Variants in CSMD1 observed in about 807,000 individuals in gnomAD.
The protein encoded by CSMD1 is CUB and sushi domain-containing protein 1.
CSMD1 carries 213 observed loss-of-function variants against 417.5 expected under a neutral mutation model. That is an observed-to-expected ratio of 0.51 (90% confidence interval 0.46 to 0.57). The LOEUF is 0.57. Among genes scored for constraint, CSMD1 ranks in the 20% least tolerant of loss-of-function variants. The probability of loss-of-function intolerance (pLI) is 0.00; values close to 1 mark genes in which losing one functional copy is unlikely to be tolerated. For synonymous variants in CSMD1, 2,862 were observed against 1,736.8 expected (o/e 1.65, Z -16.11); for missense variants, 6,923 against 4,529.7 (o/e 1.53, Z -15.17).
chr8:4,842,224 T>G (rs1800886671), intron 1 of CSMD1, among the ~76,000 whole-genome samples: 1 of 152,204 alleles, frequency 6.6e-6, no homozygotes, highest in Non-Finnish European at 1.5e-5. Context: ...GTGTGGGAAT[T>G]AAGGGAACCA....
intron 5 of CSMD1, among the ~76,000 whole-genome samples, chr8:3,968,452 T>C (rs555776928): frequency 6.6e-6 from 1 of 152,166 alleles, no homozygotes; most frequent in Non-Finnish European, 1.5e-5. Flanking sequence ...CACACAATGC[T>C]TTTCTCTTTA....
At chr8:3,980,221 C>T (rs1489960831) in intron 5 of CSMD1, among the ~76,000 whole-genome samples, 1 of 152,166 alleles carries the variant, frequency 6.6e-6, no homozygotes, top group Admixed American at 6.5e-5. Context: ...CTCATCTTAT[C>T]AACCATTGGC....
intron 2 of CSMD1, among the ~76,000 whole-genome samples, chr8:4,545,043 A>G (rs915062845): frequency 2.0e-5 from 3 of 152,230 alleles, no homozygotes; most frequent in Non-Finnish European, 4.4e-5. Flanking sequence ...ACCCATTTAA[A>G]CAATATACGT....
rs112958405 is a variant in CSMD1, at chr8:4,489,500, G to C, written c.303-69435C>G. ...ACCATATGCCCCACCAGAAACGAGA[G>C]GTGGTTGGAATATGTAAAGAATTAC... On this transcript the variant is annotated intron_variant, in intron 2 of 69. Transcript: ENST00000635120. Among the ~76,000 whole-genome samples the C allele has an allele frequency of 8.1e-3, 1,228 of 152,310 alleles. 11 individuals are homozygous for C. The highest frequency in any genetic ancestry group is 0.028 in the African/African-American group (1,157 of 41,542).
intron 6 of CSMD1, among the ~76,000 whole-genome samples, chr8:3,734,327 G>A (rs1175873014): frequency 6.6e-6 from 1 of 152,146 alleles, no homozygotes; most frequent in Non-Finnish European, 1.5e-5. Context: ...ATTACTGATA[G>A]CCAAGAGACT....
chr8:3,349,536 T>G (rs1808250251), intron 21 of CSMD1, among the ~76,000 whole-genome samples: 2 of 151,950 alleles, frequency 1.3e-5, no homozygotes, highest in South Asian at 2.1e-4. Flanking sequence ...GATGTGGCTC[T>G]CGGGGTGCAA....
intron 10 of CSMD1, among the ~76,000 whole-genome samples, chr8:3,560,301 G>A (rs894020744): frequency 1.3e-5 from 2 of 152,102 alleles, no homozygotes; most frequent in Non-Finnish European, 2.9e-5. Context: ...TCATTTCTCT[G>A]AGAAACACAG....
chr8:3,534,586 C>G (rs1162437562), intron 10 of CSMD1, among the ~76,000 whole-genome samples: 1 of 146,926 alleles, frequency 6.8e-6, no homozygotes, highest in African/African-American at 2.6e-5. Flanking sequence ...AGTGACTGAT[C>G]TAAAAGTTGT....
intron 10 of CSMD1, among the ~76,000 whole-genome samples, chr8:3,557,121 G>A (rs1041538730): frequency 6.6e-6 from 1 of 152,144 alleles, no homozygotes; most frequent in Non-Finnish European, 1.5e-5. Flanking sequence ...TATTACCCAC[G>A]ACTGAGCTTC....
intron 25 of CSMD1, among the ~76,000 whole-genome samples, chr8:3,294,182 T>C (rs2897416): frequency 0.49 from 74,987 of 152,006 alleles, 20,851 homozygotes; most frequent in South Asian, 0.63. Flanking sequence ...ATCATTCCTC[T>C]GGAAGTTTTG....
chr8:3,367,235 A>G lies in CSMD1; in HGVS notation c.2912T>C (p.Ile971Thr). ...EVSHGKGVQMIFHTFHLESSH... is the reference protein window; with the variant it reads ...EVSHGKGVQMTFHTFHLESSH... ...ACTCTCAAGATGAAAGGTGTGAAAG[A>G]TCATTTGAACTCCTGAGAAATGAAG... Residue 971 changes from isoleucine (I) to threonine (T), a missense_variant, in exon 20 of 70, where the codon ATC becomes ACC. Physicochemically the swap from Ile to Thr is moderately conservative, Grantham distance 89 (BLOSUM62 -1). Coordinates refer to ENST00000635120, the MANE Select transcript of CSMD1 (RefSeq NM_033225.6). 1.9e-6 allele frequency: 3 copies of G among 1,611,200 alleles called. No individual in the cohort carries two copies. Among genetic ancestry groups the G allele is most frequent in the Non-Finnish European group, 2.5e-6 (3 of 1,178,410 alleles).
chr8:3,413,022 G>T (rs2116936292), intron 12 of CSMD1, among the ~76,000 whole-genome samples: 1 of 152,272 alleles, frequency 6.6e-6, no homozygotes, highest in East Asian at 1.9e-4. Flanking sequence ...AGTGTTTGCT[G>T]GGCCACTGTG....
chr8:3,456,746 G>T (rs1393104508), intron 12 of CSMD1, among the ~76,000 whole-genome samples: 1 of 152,060 alleles, frequency 6.6e-6, no homozygotes, highest in South Asian at 2.1e-4. Context: ...CTCTCTTTCA[G>T]AAGTGGGAGG....
At chr8:4,810,757 T>A (rs541993893) in intron 1 of CSMD1, among the ~76,000 whole-genome samples, 3 of 152,194 alleles carry the variant, frequency 2.0e-5, no homozygotes, top group African/African-American at 7.2e-5. Flanking sequence ...TCTGAAATAA[T>A]TGAAAAAGCT....
At chr8:4,573,880 G>A (rs906144738) in intron 2 of CSMD1, among the ~76,000 whole-genome samples, 2 of 152,160 alleles carry the variant, frequency 1.3e-5, no homozygotes, top group South Asian at 2.1e-4. Context: ...GCAGTGGTGC[G>A]TTCTGCCCAG....
intron 1 of CSMD1, among the ~76,000 whole-genome samples, chr8:4,761,541 C>G (rs1384894029): frequency 6.6e-6 from 1 of 152,008 alleles, no homozygotes; most frequent in Non-Finnish European, 1.5e-5. Context: ...ACTTGGGCAG[C>G]TCTGACTTAG....
intron 3 of CSMD1, among the ~76,000 whole-genome samples, chr8:4,248,620 C>A (rs140096515): frequency 2.6e-5 from 4 of 152,120 alleles, no homozygotes; most frequent in African/African-American, 9.7e-5. Context: ...TCGAAAAGAC[C>A]TTTTCTGATC....
chr8:2,957,980 C>G (rs1803140972), intron 62 of CSMD1, among the ~76,000 whole-genome samples, 173 bp from the exon 63 acceptor site: 1 of 152,214 alleles, frequency 6.6e-6, no homozygotes, highest in Admixed American at 6.5e-5. Flanking sequence ...CAGTGTTACA[C>G]ACAATGTAGA....
intron 6 of CSMD1, among the ~76,000 whole-genome samples, chr8:3,725,630 T>G (rs1400933485): frequency 6.6e-6 from 1 of 151,976 alleles, no homozygotes; most frequent in African/African-American, 2.4e-5. Flanking sequence ...GAAGGAGTGA[T>G]GTCCAAGCAA....
Sources: allele counts gnomAD v4.1 joint callset (sites outside exome capture counted in the v4.1 genomes callset), GRCh38; gene constraint gnomAD v4.1.1; transcripts MANE v1.5; gene names NCBI Gene and HGNC (gene_info 2026-07-23, HGNC 2026-07-21).